Variants in SLX9 observed in about 807,000 individuals in gnomAD.
The protein encoded by SLX9 is ribosome biogenesis protein SLX9 homolog.
In SLX9, 19 loss-of-function variants were observed where a neutral mutation model predicts 20.8. That is an observed-to-expected ratio of 0.91 (90% CI 0.64 to 1.34). The LOEUF is 1.34. SLX9 is among the 40% of genes most tolerant of loss of function. The probability of loss-of-function intolerance (pLI) is 0.00; values close to 1 mark genes in which losing one functional copy is unlikely to be tolerated. For missense variants in SLX9, 299 were observed against 322.2 expected, an observed-to-expected ratio of 0.93 and a Z score of 0.55; for synonymous variants, 113 against 137.1, an observed-to-expected ratio of 0.82 and a Z score of 1.23.
intron 1 of SLX9, among the ~76,000 whole-genome samples, 180 bp downstream of exon 1, chr21:44,940,366 T>C (rs2084519226): frequency 6.6e-6 from 1 of 152,212 alleles, no homozygotes; most frequent in Non-Finnish European, 1.5e-5. Flanking sequence ...GAGGCTCCGC[T>C]CTGCGCTGCC....
At chr21:44,956,268 G>A (rs752795631) in intron 2 of SLX9, among the ~76,000 whole-genome samples, 10 of 152,138 alleles carry the variant, frequency 6.6e-5, no homozygotes, top group East Asian at 1.9e-4. Context: ...TAGCAAATTC[G>A]GTGTTTTCTG....
chr21:44,973,789 C>G (rs538897379), intron 5 of SLX9, among the ~76,000 whole-genome samples: 1 of 152,308 alleles, frequency 6.6e-6, no homozygotes, highest in East Asian at 1.9e-4. Flanking sequence ...CCTCTAGTCC[C>G]CTCCACGCTG....
chr21:44,949,471 C>G (rs939252001), intron 2 of SLX9, among the ~76,000 whole-genome samples: 1 of 152,138 alleles, frequency 6.6e-6, no homozygotes, highest in African/African-American at 2.4e-5. Context: ...TGTCCGGGTC[C>G]CCAAAGCGCG....
At position 44,976,635 on chromosome 21, in the gene SLX9, G is replaced by T. The variant is rs59730475; in HGVS notation, c.570-45G>T. 14,208 of 1,558,994 alleles carry T rather than the reference G, an allele frequency of 9.1e-3. 975 individuals are homozygous for T. In the African/African-American group the frequency reaches 0.15, roughly 17 times the overall value. ...TTTCCGGGTGTTGAGGGGCTGAGGGGTCCGGGGGTTCCTGCCTGCTGATCT... is the reference window on the plus strand; with the variant it reads ...TTTCCGGGTGTTGAGGGGCTGAGGGTTCCGGGGGTTCCTGCCTGCTGATCT... On this transcript the variant is annotated intron_variant, in intron 5 of 5. Coordinates refer to ENST00000291634, the MANE Select transcript of SLX9 (RefSeq NM_058190.4).
At chr21:44,955,451 A>G (rs1310271756) in intron 2 of SLX9, among the ~76,000 whole-genome samples, 1 of 152,174 alleles carries the variant, frequency 6.6e-6, no homozygotes, top group African/African-American at 2.4e-5. Context: ...GATAGATACC[A>G]TGAAAAACTC....
rs1468578192 is a variant in SLX9 at position 44,976,620 on chromosome 21, T to C, written c.570-60T>C. 2.6e-6 allele frequency: 4 copies of C among 1,542,016 alleles called. No homozygotes were observed. In the African/African-American group the frequency reaches 5.5e-5, roughly 21 times the overall value. On this transcript the variant is annotated intron_variant, in intron 5 of 5. Transcript: ENST00000291634. Reference sequence around the variant, plus strand: ...TTTCGGTGTCTGACGTTTCCGGGTGTTGAGGGGCTGAGGGGTCCGGGGGTT... The same window carrying C: ...TTTCGGTGTCTGACGTTTCCGGGTGCTGAGGGGCTGAGGGGTCCGGGGGTT...
intron 4 of SLX9, 131 bp from the exon 5 acceptor site, chr21:44,973,066 G>A (rs2085185926): frequency 1.8e-6 from 1 of 570,064 alleles, no homozygotes; most frequent in East Asian, 6.0e-5. Context: ...GGAACTTGTG[G>A]TTCTGCAGTG....
At chr21:44,945,574 G>C (rs2026883) in intron 2 of SLX9, among the ~76,000 whole-genome samples, 1 of 152,192 alleles carries the variant, frequency 6.6e-6, no homozygotes, top group Non-Finnish European at 1.5e-5. Context: ...TCACGCTCAC[G>C]ACCCGTCTTG....
intron 2 of SLX9, among the ~76,000 whole-genome samples, chr21:44,957,829 A>C (rs563799795): frequency 6.6e-5 from 10 of 152,142 alleles, no homozygotes; most frequent in South Asian, 4.2e-4. Flanking sequence ...TTTAATGGGG[A>C]CTTGCCCGTC....
intron 1 of SLX9, among the ~76,000 whole-genome samples, chr21:44,942,075 C>T (rs2084560591): frequency 6.6e-6 from 1 of 152,200 alleles, no homozygotes; most frequent in Non-Finnish European, 1.5e-5. Context: ...CTCATTGAAA[C>T]CTGTGCCAGC....
At position 44,943,835 on chromosome 21, in the gene SLX9, G is replaced by C. The variant is rs2084594456; in HGVS notation, c.281G>C (p.Arg94Thr). Residue 94 changes from arginine (R) to threonine (T), a missense_variant and splice_region_variant, in exon 2 of 6, where the codon AGA (arginine) becomes ACA (threonine). Transcript: ENST00000291634. ...SSARSVPSIR[R>T]GAEAKTVLPK... is the part of the protein sequence containing the mutation. The stretch of plus-strand genomic sequence containing the variant: ...GCACGGAGCGTCCCTTCCATCAGGA[G>C]AGGTGAGGCAGGCTCGACGGGTTAC... The C allele has an allele frequency of 6.2e-7, 1 of 1,613,678 alleles. No individual in the cohort carries two copies. Among genetic ancestry groups the C allele is most frequent in the Non-Finnish European group, 8.5e-7 (1 of 1,180,018 alleles).
intron 3 of SLX9, among the ~76,000 whole-genome samples, chr21:44,963,611 C>G (rs149044747): frequency 3.5e-4 from 53 of 151,638 alleles, no homozygotes; most frequent in Middle Eastern, 3.4e-3. Flanking sequence ...GGTTAAGTTC[C>G]TTTTTTCCCC....
chr21:44,968,133 A>C (rs1450130781), intron 4 of SLX9, among the ~76,000 whole-genome samples: 1 of 151,534 alleles, frequency 6.6e-6, no homozygotes, highest in Non-Finnish European at 1.5e-5. Context: ...GGTCCCGAGC[A>C]TGAGCCCTCC....
chr21:44,945,643 TCG>T (rs2084628773), intron 2 of SLX9, among the ~76,000 whole-genome samples: 3 of 152,234 alleles, frequency 2.0e-5, no homozygotes, highest in Admixed American at 6.5e-5. Flanking sequence ...TGGGCTGAGG[TCG>T]TGCCCAGCAG....
At chr21:44,947,177 G>T (rs555849355) in intron 2 of SLX9, among the ~76,000 whole-genome samples, 1 of 152,252 alleles carries the variant, frequency 6.6e-6, no homozygotes, top group Admixed American at 6.5e-5. Flanking sequence ...ACCCCACCCC[G>T]GGTTTGTGCT....
chr21:44,976,494 C>T (rs1217986862), intron 5 of SLX9, among the ~76,000 whole-genome samples, 186 bp from the exon 6 acceptor site: 2 of 152,172 alleles, frequency 1.3e-5, no homozygotes, highest in Non-Finnish European at 2.9e-5. Flanking sequence ...CTGGGATGCA[C>T]GTGGCCACGA....
At position 44,973,262 on chromosome 21, in the gene SLX9, T is replaced by C; in HGVS notation, c.566T>C (p.Leu189Pro). The change falls in exon 5 of 6, where the codon CTT (leucine) becomes CCT (proline). Residue 189 changes from leucine (L) to proline (P), a missense_variant. By Grantham distance (98) the Leu-to-Pro change is moderately conservative (BLOSUM62 -3). Transcript: ENST00000291634. ...SRMSAAQRQQLLEEERTRFQE... is the reference protein window; with the variant it reads ...SRMSAAQRQQPLEEERTRFQE... ...ATGAGCGCAGCCCAGAGACAGCAGC[T>C]TCTGTGAGTGCACCTGCCCACCTCC... 6.2e-7 allele frequency: 1 copy of C among 1,612,124 alleles called. No individual in the cohort carries two copies. Among genetic ancestry groups the C allele is most frequent in the Non-Finnish European group, 8.5e-7 (1 of 1,179,704 alleles).
chr21:44,945,875 C>T (rs1026297216), intron 2 of SLX9, among the ~76,000 whole-genome samples: 1 of 152,182 alleles, frequency 6.6e-6, no homozygotes, highest in Non-Finnish European at 1.5e-5. Context: ...GCCACCACGC[C>T]CAGCTAACGC....
intron 4 of SLX9, among the ~76,000 whole-genome samples, chr21:44,969,698 T>C (rs1372709802): frequency 6.6e-6 from 1 of 152,230 alleles, no homozygotes; most frequent in Admixed American, 6.5e-5. Context: ...TGTGGTACGT[T>C]CGTCACATGG....
Sources: allele counts gnomAD v4.1 joint callset (sites outside exome capture counted in the v4.1 genomes callset), GRCh38; gene constraint gnomAD v4.1.1; transcripts MANE v1.5; gene names NCBI Gene and HGNC (gene_info 2026-07-23, HGNC 2026-07-21).